ARMH3: variants seen among roughly 807,000 people sequenced by gnomAD.
The protein encoded by ARMH3 is armadillo-like helical domain-containing protein 3.
Under a neutral mutation model 99.1 loss-of-function variants are expected in ARMH3, and 60 were observed. The observed-to-expected ratio is 0.61, with a 90% CI of 0.49 to 0.75. The LOEUF is 0.75. Ranked by LOEUF, ARMH3 falls within the 30% of genes least tolerant of loss-of-function variation. The probability of loss-of-function intolerance (pLI) is 0.00; values close to 1 mark genes in which losing one functional copy is unlikely to be tolerated. For synonymous variants in ARMH3, 285 were observed against 292.8 expected (o/e 0.97, Z 0.27); for missense variants, 679 against 843.1 (o/e 0.81, Z 2.41).
intron 1 of ARMH3, among the ~76,000 whole-genome samples, chr10:102,046,729 T>TA (rs2067563109): frequency 6.6e-6 from 1 of 152,072 alleles, no homozygotes. Flanking sequence ...AGCCTGATAT[T>TA]AGAGTTCCTG....
Position 101,847,419 on chromosome 10 carries a change from T to G in ARMH3, c.*109A>C. ...CGGTCTTCACCAAGAGAACTTGGTA[T>G]CTGTGTTTCTCTCCAACCTCGGGGG... is the stretch of plus-strand genomic sequence containing the variant. On this transcript the variant is annotated 3_prime_UTR_variant, in exon 26 of 26. Transcript: ENST00000370033. 1 of 1,092,956 alleles carries G rather than the reference T, an allele frequency of 9.1e-7. No individual in the cohort carries two copies. Among genetic ancestry groups the G allele is most frequent in the Non-Finnish European group, 1.4e-6 (1 of 721,296 alleles). 67.7% of individuals were successfully genotyped at this position (1,092,956 alleles called of 1,614,324 possible). A position where few individuals can be genotyped will look rare whatever the true frequency, so the allele number is the denominator to read the frequency against.
In ARMH3 at chr10:102,025,161, C is replaced by T. The variant is rs1330114567; in HGVS notation, c.502G>A (p.Val168Met). 1.2e-6 allele frequency: 2 copies of T among 1,612,582 alleles called. No individual in the cohort carries two copies. Among genetic ancestry groups the T allele is most frequent in the African/African-American group, 2.7e-5 (2 of 74,884 alleles). ...GACAAACATAGGTCACTTACGGTCA[C>T]TAAGCAAAGGAGAAGTTTCAGACAT... ...SLCLKLLLCL[V>M]TVTDNISQNT... is the part of the protein sequence containing the mutation. The change falls in exon 6 of 26, where the codon GTG becomes ATG. Residue 168 changes from valine (V) to methionine (M), a missense_variant. This residue lies in a region of ARMH3 where 280 missense variants were observed against 354.6 expected (regional missense o/e 0.79). Transcript: ENST00000370033.
intron 21 of ARMH3, among the ~76,000 whole-genome samples, chr10:101,957,148 C>G (rs1425716771): frequency 6.6e-6 from 1 of 152,132 alleles, no homozygotes; most frequent in South Asian, 2.1e-4. Flanking sequence ...GCAAATGCTA[C>G]GAATCAAGAC....
At chr10:102,029,360 G>A (rs927999112) in intron 5 of ARMH3, 1 of 1,175,484 alleles carries the variant, frequency 8.5e-7, no homozygotes. Context: ...ATTCATAAAT[G>A]TTCTTAAGAA....
chr10:102,054,485 C>T (rs1411263037), intron 1 of ARMH3, among the ~76,000 whole-genome samples: 1 of 152,108 alleles, frequency 6.6e-6, no homozygotes, highest in African/African-American at 2.4e-5. Flanking sequence ...TGGGTATTCC[C>T]CCTTTACAGT....
chr10:102,015,756 A>C (rs942547035), intron 8 of ARMH3, among the ~76,000 whole-genome samples: 4 of 152,208 alleles, frequency 2.6e-5, no homozygotes, highest in Admixed American at 6.5e-5. Context: ...TCTTCTGCTT[A>C]TTAATTGTGA....
chr10:102,007,153 C>CT (rs1487262755), intron 13 of ARMH3, among the ~76,000 whole-genome samples: 1 of 29,754 alleles, frequency 3.4e-5, no homozygotes, highest in East Asian at 3.2e-3. Flanking sequence ...CAGCAAGACT[C>CT]TATCTCAAAA....
chr10:101,956,105 G>A (rs1185372747), intron 22 of ARMH3, among the ~76,000 whole-genome samples: 4 of 152,100 alleles, frequency 2.6e-5, no homozygotes, highest in Admixed American at 1.3e-4. Context: ...TGTAGCTTGA[G>A]AGTACATTTT....
chr10:101,914,951 GGTTA>G (rs1196322189), intron 23 of ARMH3, among the ~76,000 whole-genome samples: 7 of 149,824 alleles, frequency 4.7e-5, no homozygotes, highest in African/African-American at 1.7e-4. Context: ...ATTTTTACAA[GGTTA>G]ATTACAGCTT....
At chr10:101,872,087 T>G (rs915971206) in intron 24 of ARMH3, among the ~76,000 whole-genome samples, 9 of 151,960 alleles carry the variant, frequency 5.9e-5, no homozygotes, top group African/African-American at 1.9e-4. Context: ...CATGACTCCT[T>G]TAAAAAGTAA....
chr10:101,982,944 C>G (rs1846297485), intron 19 of ARMH3, among the ~76,000 whole-genome samples: 1 of 152,104 alleles, frequency 6.6e-6, no homozygotes, highest in African/African-American at 2.4e-5. Flanking sequence ...CATCTCGAAA[C>G]CATCACTGCC....
chr10:101,959,388 G>A (rs182200106), intron 20 of ARMH3, among the ~76,000 whole-genome samples: 2 of 152,190 alleles, frequency 1.3e-5, no homozygotes, highest in East Asian at 1.9e-4. Context: ...CCTGACAATC[G>A]GACTCTATAA....
At position 101,956,735 on chromosome 10, in the gene ARMH3, G is replaced by A; in HGVS notation, c.1579-12C>T. ...AATAGGTTCACAATCTAAAAAAGAA[G>A]GAAAGGCCCATATATAGGCATCAGG... is the stretch of plus-strand genomic sequence containing the variant. On this transcript the variant is annotated splice_polypyrimidine_tract_variant and intron_variant, in intron 21 of 25. Transcript: ENST00000370033. The A allele has an allele frequency of 1.9e-6, 3 of 1,611,896 alleles. No individual in the cohort carries two copies. The highest frequency in any genetic ancestry group is 2.5e-6 in the Non-Finnish European group (3 of 1,178,520).
intron 1 of ARMH3, among the ~76,000 whole-genome samples, chr10:102,055,695 C>G (rs1331529326): frequency 6.6e-6 from 1 of 152,230 alleles, no homozygotes; most frequent in Admixed American, 6.5e-5. Context: ...TCAGAGGTGC[C>G]TTGCCCTACG....
intron 14 of ARMH3, among the ~76,000 whole-genome samples, chr10:102,003,697 T>C (rs1321871721): frequency 6.6e-6 from 1 of 152,228 alleles, no homozygotes; most frequent in African/African-American, 2.4e-5. Flanking sequence ...CAGATCCCTC[T>C]GGAGTTATTA....
At chr10:101,957,579 C>T (rs1450870149) in intron 21 of ARMH3, 71 bp downstream of exon 21, 1 of 1,501,570 alleles carries the variant, frequency 6.7e-7, no homozygotes. Flanking sequence ...CCACCAGCTC[C>T]TGTTTCAAAC....
chr10:101,867,967 T>A (rs1267894890), intron 24 of ARMH3, among the ~76,000 whole-genome samples: 4 of 150,282 alleles, frequency 2.7e-5, no homozygotes, highest in Non-Finnish European at 5.9e-5. Context: ...AGTGAGACCC[T>A]GTTTCTATTA....
chr10:102,043,842 C>T (rs1265685948), intron 1 of ARMH3, among the ~76,000 whole-genome samples: 1 of 152,172 alleles, frequency 6.6e-6, no homozygotes, highest in African/African-American at 2.4e-5. Context: ...TCAATGAAGG[C>T]TTTTATTCCT....
chr10:102,041,628 A>G (rs2136249968), intron 1 of ARMH3, among the ~76,000 whole-genome samples: 1 of 151,980 alleles, frequency 6.6e-6, no homozygotes, highest in South Asian at 2.1e-4. Flanking sequence ...AATTTCTCCA[A>G]CTAGGTATTT....
Sources: allele counts gnomAD v4.1 joint callset (sites outside exome capture counted in the v4.1 genomes callset), GRCh38; gene constraint gnomAD v4.1.1; regional missense constraint gnomAD v4.1.1; transcripts MANE v1.5; gene names NCBI Gene and HGNC (gene_info 2026-07-23, HGNC 2026-07-21).